The following PRKG1 variants were observed in gnomAD, a reference collection of about 807,000 sequenced individuals.
PRKG1 encodes cGMP-dependent protein kinase 1.
Under a neutral mutation model 88.1 loss-of-function variants are expected in PRKG1, and 35 were observed. That is an observed-to-expected ratio of 0.40 (90% CI 0.30 to 0.53). PRKG1 has a LOEUF of 0.53. Ranked by LOEUF, PRKG1 falls within the 20% of genes least tolerant of loss-of-function variation. PRKG1 has a pLI of 0.59. For missense variants in PRKG1, 540 were observed against 839.8 expected (o/e 0.64, Z 4.41); for synonymous variants, 303 against 292.5 (o/e 1.04, Z -0.37).
At chr10:52,204,481 G>A (rs1839762864) in intron 9 of PRKG1, among the ~76,000 whole-genome samples, 1 of 152,180 alleles carries the variant, frequency 6.6e-6, no homozygotes, top group Admixed American at 6.5e-5. Flanking sequence ...CTGAAGCCAT[G>A]GCAGAAGACC....
intron 3 of PRKG1, among the ~76,000 whole-genome samples, chr10:51,601,955 C>T (rs7094162): frequency 0.079 from 11,939 of 151,438 alleles, 1,565 homozygotes; most frequent in African/African-American, 0.27. Context: ...AAATTTTAAC[C>T]AGCTCCCATC....
At chr10:51,320,923 T>C (rs1427379566) in intron 2 of PRKG1, among the ~76,000 whole-genome samples, 1 of 152,198 alleles carries the variant, frequency 6.6e-6, no homozygotes, top group South Asian at 2.1e-4. Context: ...TTGACCCAAA[T>C]TGTTTTATTC....
rs1363119804 is a variant in PRKG1, at chr10:52,295,294, C to T, written c.*1394C>T. ...AAGCTGAGTCCATATACTTGTCTAA[C>T]TAAGAAAGCAGTACAGAGGAAAACA... On this transcript the variant is annotated 3_prime_UTR_variant, in exon 18 of 18. Coordinates refer to ENST00000373980, the MANE Select transcript of PRKG1 (RefSeq NM_006258.4). 1 of 151,872 alleles carries T rather than the reference C, an allele frequency of 6.6e-6. No individual in the cohort carries two copies. Among genetic ancestry groups the T allele is most frequent in the Non-Finnish European group, 1.5e-5 (1 of 67,896 alleles). The allele number at this position is 151,872 out of a possible 1,614,324, so 9.4% of individuals were successfully genotyped here. A position where few individuals can be genotyped will look rare whatever the true frequency, so the allele number is the denominator to read the frequency against.
chr10:51,975,234 T>G (rs892504288), intron 5 of PRKG1, among the ~76,000 whole-genome samples: 1 of 152,040 alleles, frequency 6.6e-6, no homozygotes, highest in Admixed American at 6.6e-5. Flanking sequence ...GACATACAGA[T>G]AGCACAATTT....
At chr10:51,472,300 T>G (rs994170383) in intron 3 of PRKG1, among the ~76,000 whole-genome samples, 2 of 151,940 alleles carry the variant, frequency 1.3e-5, no homozygotes, top group Admixed American at 6.6e-5. Flanking sequence ...TGCAGCTGTT[T>G]TAAGCATTAC....
At chr10:51,485,244 CTG>C (rs772954722) in intron 3 of PRKG1, among the ~76,000 whole-genome samples, 4 of 152,144 alleles carry the variant, frequency 2.6e-5, no homozygotes, top group Non-Finnish European at 4.4e-5. Context: ...TCTTGGTTAA[CTG>C]TAGTTACATT....
intron 5 of PRKG1, among the ~76,000 whole-genome samples, chr10:52,023,588 A>G (rs1322136328): frequency 1.3e-5 from 2 of 152,138 alleles, no homozygotes; most frequent in African/African-American, 2.4e-5. Flanking sequence ...TTGTTTCCTG[A>G]CTTTTTAATG....
At chr10:51,719,711 T>C (rs1396687497) in intron 3 of PRKG1, among the ~76,000 whole-genome samples, 1 of 152,204 alleles carries the variant, frequency 6.6e-6, no homozygotes, top group Non-Finnish European at 1.5e-5. Flanking sequence ...CATACCTGGG[T>C]TGTGTATGAT....
chr10:51,539,195 A>G (rs1435726502), intron 3 of PRKG1, among the ~76,000 whole-genome samples: 1 of 152,128 alleles, frequency 6.6e-6, no homozygotes, highest in Non-Finnish European at 1.5e-5. Flanking sequence ...TATTCACAGT[A>G]TAGAGATTTG....
chr10:51,600,578 G>T (rs370012345), intron 3 of PRKG1, among the ~76,000 whole-genome samples: 1 of 152,052 alleles, frequency 6.6e-6, no homozygotes, highest in Non-Finnish European at 1.5e-5. Flanking sequence ...TTTTAATAAC[G>T]TGCTATCTCA....
At chr10:51,705,532 A>T (rs1028567933) in intron 3 of PRKG1, among the ~76,000 whole-genome samples, 3 of 152,262 alleles carry the variant, frequency 2.0e-5, no homozygotes, top group African/African-American at 7.2e-5. Flanking sequence ...GATTTTTAAC[A>T]ATGAAGAAAC....
chr10:51,397,234 A>G (rs1837604199), intron 2 of PRKG1, among the ~76,000 whole-genome samples: 1 of 151,734 alleles, frequency 6.6e-6, no homozygotes, highest in Non-Finnish European at 1.5e-5. Flanking sequence ...AAAGAATTTA[A>G]TCAGAGATTC....
intron 3 of PRKG1, 129 bp from the exon 4 acceptor site, chr10:51,804,456 A>T: frequency 1.5e-6 from 1 of 656,862 alleles, no homozygotes; most frequent in Non-Finnish European, 2.6e-6. Context: ...TATTAGCTTT[A>T]AATGTTTGTA....
intron 3 of PRKG1, among the ~76,000 whole-genome samples, chr10:51,518,273 C>T (rs980832706): frequency 2.2e-4 from 33 of 152,158 alleles, no homozygotes; most frequent in Non-Finnish European, 4.0e-4. Context: ...GCTGGGATTA[C>T]AGGTGTGAGC....
Position 51,944,432 on chromosome 10 carries a change from G to T in PRKG1, c.762+36862G>T, listed in dbSNP as rs567737206. On this transcript the variant is annotated intron_variant, in intron 5 of 17. Coordinates refer to ENST00000373980, the MANE Select transcript of PRKG1 (RefSeq NM_006258.4). ...TCCTGGATTCATTAATTTTTTGAAG[G>T]GTTTTTTGTATCTCTATTTCCTTCA... is the stretch of plus-strand genomic sequence containing the variant. 3.0e-3 allele frequency among the ~76,000 whole-genome samples: 451 copies of T among 151,938 alleles called. 5 individuals carry two copies. The highest frequency in any genetic ancestry group is 3.7e-3 in the Non-Finnish European group (249 of 67,986).
At chr10:51,945,572 A>T (rs1240564579) in intron 5 of PRKG1, among the ~76,000 whole-genome samples, 1 of 151,958 alleles carries the variant, frequency 6.6e-6, no homozygotes, top group Non-Finnish European at 1.5e-5. Flanking sequence ...ACAATTTGGC[A>T]TGATTTTGCA....
intron 3 of PRKG1, chr10:51,568,340 A>G (rs1837660684): frequency 6.6e-6 from 1 of 152,096 alleles, no homozygotes; most frequent in African/African-American, 2.4e-5. Flanking sequence ...TCTGAGGAGC[A>G]ATTGGTTACA....
intron 7 of PRKG1, among the ~76,000 whole-genome samples, chr10:52,079,725 G>A (rs1174398711): frequency 6.6e-6 from 1 of 152,174 alleles, no homozygotes; most frequent in South Asian, 2.1e-4. Flanking sequence ...GGGGACCAGG[G>A]TCACCTATTG....
At chr10:52,092,210 G>A (rs906116236) in intron 7 of PRKG1, among the ~76,000 whole-genome samples, 4 of 152,208 alleles carry the variant, frequency 2.6e-5, no homozygotes, top group South Asian at 2.1e-4. Flanking sequence ...ATGACAATAC[G>A]CATTTTAGGT....
Sources: allele counts gnomAD v4.1 joint callset (sites outside exome capture counted in the v4.1 genomes callset), GRCh38; gene constraint gnomAD v4.1.1; transcripts MANE v1.5; gene names NCBI Gene and HGNC (gene_info 2026-07-23, HGNC 2026-07-21).